The following TOMM5 variants were observed in gnomAD, a reference collection of about 807,000 sequenced individuals.
TOMM5 encodes translocase of outer mitochondrial membrane 5, also known as mitochondrial import receptor subunit TOM5 homolog.
In TOMM5, 1 loss-of-function variant was observed where a neutral mutation model predicts 4.8. That is an observed-to-expected ratio of 0.21 (90% CI 0.07 to 0.99). The LOEUF is 0.99. Ranked by LOEUF, TOMM5 falls within the 50% of genes least tolerant of loss-of-function variation. The pLI is 0.60. For missense variants in TOMM5, 60 were observed against 66.6 expected, an observed-to-expected ratio of 0.90 and a Z score of 0.35; for synonymous variants, 26 against 26.7, an observed-to-expected ratio of 0.97 and a Z score of 0.08.
Position 37,588,763 on chromosome 9 carries a change from C to G in TOMM5, c.*135G>C, listed in dbSNP as rs964151465. 6 of 885,660 alleles carry G rather than the reference C, an allele frequency of 6.8e-6. No individual in the cohort carries two copies. The highest frequency in any genetic ancestry group is 1.9e-5 in the Admixed American group (1 of 53,454). 54.9% of individuals were successfully genotyped at this position (885,660 alleles called of 1,614,324 possible). On this transcript the variant is annotated 3_prime_UTR_variant, in exon 2 of 2. Coordinates refer to ENST00000321301, the MANE Select transcript of TOMM5 (RefSeq NM_001001790.3). ...TTGAAGGTCAGTTACCAGAGCCAAA[C>G]TTGTTCTTAACAAGCAGAATTTTAT... is the stretch of plus-strand genomic sequence containing the variant.
rs200934555 is a variant in TOMM5, at chr9:37,588,870, T to C, written c.*28A>G. On this transcript the variant is annotated 3_prime_UTR_variant, in exon 2 of 2. Coordinates refer to ENST00000321301, the MANE Select transcript of TOMM5 (RefSeq NM_001001790.3). ...CGAAACTGTAACCAGGCTCTTCATA[T>C]CGTGCATTCATATGTGATGTCCTGT... 3.3e-5 allele frequency: 53 copies of C among 1,612,378 alleles called. No homozygotes were observed. Among genetic ancestry groups the C allele is most frequent in the Non-Finnish European group, 4.5e-5 (53 of 1,178,446 alleles).
intron 1 of TOMM5, among the ~76,000 whole-genome samples, chr9:37,591,770 G>T (rs555291980): frequency 6.6e-6 from 1 of 152,046 alleles, no homozygotes; most frequent in African/African-American, 2.4e-5. Context: ...TTTAGGTCAA[G>T]ATCATTCACT....
rs2047482964 is a variant in TOMM5 at position 37,592,593 on chromosome 9, C to A, written c.-61G>T. 2 of 1,572,976 alleles carry A rather than the reference C, an allele frequency of 1.3e-6. No homozygotes were observed. Among genetic ancestry groups the A allele is most frequent in the Non-Finnish European group, 1.7e-6 (2 of 1,159,342 alleles). On this transcript the variant is annotated 5_prime_UTR_variant, in exon 1 of 2. Transcript: ENST00000321301. The stretch of plus-strand genomic sequence containing the variant: ...TCTGCTCTCCACGGTGGCCGCCTCG[C>A]GCCCGGAACTCGGCCTATCCTCACT...
intron 1 of TOMM5, 82 bp from the exon 2 acceptor site, chr9:37,589,014 CAT>C: frequency 3.1e-6 from 4 of 1,280,412 alleles, no homozygotes; most frequent in South Asian, 2.6e-5. Flanking sequence ...GTTTATTCAA[CAT>C]GTTTTTGAAA....
At chr9:37,591,468 A>T (rs1259405415) in intron 1 of TOMM5, among the ~76,000 whole-genome samples, 1 of 152,106 alleles carries the variant, frequency 6.6e-6, no homozygotes, top group Non-Finnish European at 1.5e-5. Context: ...AGGCAGGTGG[A>T]TCACCTGAGG....
intron 1 of TOMM5, among the ~76,000 whole-genome samples, chr9:37,589,782 A>C (rs1048613684): frequency 8.5e-5 from 13 of 152,172 alleles, no homozygotes; most frequent in African/African-American, 3.1e-4. Context: ...TCAGCCCCGC[A>C]AAGTGCTGGA....
chr9:37,591,506 C>T (rs1458046584), intron 1 of TOMM5, among the ~76,000 whole-genome samples: 1 of 151,906 alleles, frequency 6.6e-6, no homozygotes, highest in Non-Finnish European at 1.5e-5. Flanking sequence ...GCCTGGCCAA[C>T]ATGGTTAAAC....
intron 1 of TOMM5, among the ~76,000 whole-genome samples, chr9:37,592,019 GCAATCCTCC>G (rs769712389): frequency 3.9e-5 from 6 of 151,966 alleles, no homozygotes; most frequent in Non-Finnish European, 7.4e-5. Flanking sequence ...CTGGATTCAA[GCAATCCTCC>G]CACCTTAGCC....
At chr9:37,590,891 T>TG (rs1293140134) in intron 1 of TOMM5, among the ~76,000 whole-genome samples, 4 of 152,356 alleles carry the variant, frequency 2.6e-5, no homozygotes, top group African/African-American at 9.6e-5. Flanking sequence ...CAGTGAGCTC[T>TG]GGCCTAAGCC....
intron 1 of TOMM5, among the ~76,000 whole-genome samples, chr9:37,589,196 A>G (rs1461618447): frequency 6.6e-6 from 1 of 152,244 alleles, no homozygotes; most frequent in African/African-American, 2.4e-5. Flanking sequence ...ATAAAGTATA[A>G]ATCCAATTCT....
At chr9:37,590,567 C>A (rs903842766) in intron 1 of TOMM5, among the ~76,000 whole-genome samples, 3 of 152,166 alleles carry the variant, frequency 2.0e-5, no homozygotes, top group Admixed American at 2.0e-4. Flanking sequence ...GGCTGCACAA[C>A]TGACTGCTAA....
chr9:37,592,465 T>C lies in TOMM5; in HGVS notation c.68A>G (p.Asp23Gly), dbSNP rs774906740. The C allele has an allele frequency of 6.2e-7, 1 of 1,614,080 alleles. No individual in the cohort carries two copies. Among genetic ancestry groups the C allele is most frequent in the South Asian group, 1.1e-5 (1 of 91,080 alleles). ...AAAGTTCCGTATGGAGGAGATCACA[T>C]CCTCGCGCATCTTCCGTTTCATCTC... Reference protein sequence around the residue: ...PEEMKRKMREDVISSIRNFLI... With the variant: ...PEEMKRKMREGVISSIRNFLI... Residue 23 changes from aspartate to glycine, a missense_variant, in exon 1 of 2, where the codon GAT becomes GGT. Physicochemically the swap from Asp to Gly is moderately conservative, Grantham distance 94 (BLOSUM62 -1). Coordinates refer to ENST00000321301, the MANE Select transcript of TOMM5 (RefSeq NM_001001790.3).
chr9:37,591,756 G>A (rs1823106553), intron 1 of TOMM5, among the ~76,000 whole-genome samples: 1 of 151,786 alleles, frequency 6.6e-6, no homozygotes, highest in Admixed American at 6.6e-5. Flanking sequence ...TAAGAGTTCT[G>A]GATTTTAGGT....
chr9:37,590,019 A>G (rs766743920), intron 1 of TOMM5, among the ~76,000 whole-genome samples: 28 of 152,234 alleles, frequency 1.8e-4, no homozygotes, highest in Admixed American at 2.0e-4. Flanking sequence ...ATGCTACAAC[A>G]TGGATGAATC....
chr9:37,592,277 C>G (rs1823116547), intron 1 of TOMM5, 135 bp downstream of exon 1: 3 of 1,553,706 alleles, frequency 1.9e-6, no homozygotes, highest in Non-Finnish European at 2.6e-6. Context: ...ATGCCCGTCG[C>G]CTTCAACGCG....
intron 1 of TOMM5, among the ~76,000 whole-genome samples, chr9:37,591,645 C>A (rs1475342656): frequency 1.3e-5 from 2 of 149,752 alleles, no homozygotes; most frequent in Non-Finnish European, 3.0e-5. Flanking sequence ...TGAGCCAAGA[C>A]TGCGCCACTG....
intron 1 of TOMM5, 60 bp from the exon 2 acceptor site, chr9:37,588,992 T>A (rs1016916693): frequency 1.7e-5 from 24 of 1,407,744 alleles, no homozygotes; most frequent in Non-Finnish European, 1.4e-5. Flanking sequence ...GGCTACATTA[T>A]AGAATTATCA....
chr9:37,590,253 G>A (rs57578064), intron 1 of TOMM5, among the ~76,000 whole-genome samples: 2,646 of 152,188 alleles, frequency 0.017, 77 homozygotes, highest in African/African-American at 0.06. Context: ...TTAGCAGGGC[G>A]TGGTGGTGTG....
At chr9:37,589,018 T>C in intron 1 of TOMM5, 86 bp from the exon 2 acceptor site, 1 of 1,215,210 alleles carries the variant, frequency 8.2e-7, no homozygotes, top group Non-Finnish European at 1.2e-6. Flanking sequence ...ATTCAACATG[T>C]TTTTGAAAAT....
Sources: allele counts gnomAD v4.1 joint callset (sites outside exome capture counted in the v4.1 genomes callset), GRCh38; gene constraint gnomAD v4.1.1; transcripts MANE v1.5; gene names NCBI Gene and HGNC (gene_info 2026-07-23, HGNC 2026-07-21).